SERINC5: variants seen among roughly 807,000 people sequenced by gnomAD.
The protein encoded by SERINC5 is chromosome 5 open reading frame 12.
In SERINC5, 41 loss-of-function variants were observed where a neutral mutation model predicts 63.1. That is an observed-to-expected ratio of 0.65 (90% CI 0.51 to 0.84). The LOEUF is 0.84. SERINC5 is among the 40% of genes least tolerant of loss of function. The pLI, the probability that SERINC5 is intolerant of heterozygous loss-of-function variation, is 0.00. For synonymous variants in SERINC5, 222 were observed against 215.2 expected, an observed-to-expected ratio of 1.03 and a Z score of -0.28; for missense variants, 523 against 573.0, an observed-to-expected ratio of 0.91 and a Z score of 0.89.
chr5:80,198,880 G>A (rs1446506762), intron 2 of SERINC5, among the ~76,000 whole-genome samples: 1 of 152,136 alleles, frequency 6.6e-6, no homozygotes, highest in Non-Finnish European at 1.5e-5. Flanking sequence ...TACATTCAGG[G>A]GACAGGCATA....
At chr5:80,238,103 CAAAAAAAAAA>C (rs759062486) in intron 1 of SERINC5, among the ~76,000 whole-genome samples, 1 of 65,676 alleles carries the variant, frequency 1.5e-5, no homozygotes, top group Non-Finnish European at 3.0e-5. Flanking sequence ...GACTCTGTCT[CAAAAAAAAAA>C]AAAAAAAAAG....
chr5:80,143,374 G>A lies in SERINC5; in HGVS notation c.*289C>T, dbSNP rs1208112976. ...ATGCTGTGCCCCAAATTCTGTTTTG[G>A]CAAAAACATGCAGAAGGAAGTCAAC... On this transcript the variant is annotated 3_prime_UTR_variant, in exon 12 of 12. Coordinates refer to ENST00000507668, the MANE Select transcript of SERINC5 (RefSeq NM_001174072.3). The A allele has an allele frequency of 1.8e-6, 2 of 1,116,910 alleles. No homozygotes were observed. The highest frequency in any genetic ancestry group is 1.1e-6 in the Non-Finnish European group (1 of 915,096). The allele number at this position is 1,116,910 out of a possible 1,614,324, so 69.2% of individuals were successfully genotyped here. A position where few individuals can be genotyped will look rare whatever the true frequency, so the allele number is the denominator to read the frequency against.
rs1232669888 is a variant in SERINC5 at position 80,141,193 on chromosome 5, CA to C, written c.*2469del. On this transcript the variant is annotated 3_prime_UTR_variant, in exon 12 of 12. Transcript: ENST00000507668. ...ATCCAGATACACGTGCTAACATTTT[CA>C]GCTGAGAATAAAATTCAGAGCAACT... 5.1e-6 allele frequency: 5 copies of C among 985,352 alleles called. No individual in the cohort carries two copies. In the African/African-American group the frequency reaches 8.7e-5, roughly 17 times the overall value. The allele number at this position is 985,352 out of a possible 1,614,324, so 61.0% of individuals were successfully genotyped here. A position where few individuals can be genotyped will look rare whatever the true frequency, so the allele number is the denominator to read the frequency against.
chr5:80,112,255 C>T lies in SERINC5; in HGVS notation c.*30-553G>A, dbSNP rs549943161. ...ACTGGCAGGAGGCGAGATATGCTGG[C>T]GGCAATTATTCTTTATTCTGTTATT... On this transcript the variant is annotated intron_variant, in intron 12 of 12. Transcript: ENST00000509193. 7.7e-4 allele frequency among the ~76,000 whole-genome samples: 117 copies of T among 152,300 alleles called. 1 individual carries two copies. Among genetic ancestry groups the T allele is most frequent in the African/African-American group, 2.4e-3 (98 of 41,564 alleles).
chr5:80,182,332 G>A (rs1021204320), intron 2 of SERINC5, among the ~76,000 whole-genome samples: 2 of 152,160 alleles, frequency 1.3e-5, no homozygotes, highest in African/African-American at 4.8e-5. Context: ...CTGAGAAGCT[G>A]AAGACACAGG....
chr5:80,140,373 C>T lies in SERINC5; in HGVS notation c.*3290G>A, dbSNP rs1238346082. On this transcript the variant is annotated 3_prime_UTR_variant, in exon 12 of 12. Coordinates refer to ENST00000507668, the MANE Select transcript of SERINC5 (RefSeq NM_001174072.3). ...TTTTGACATGGGGACAGGAAATTAACATTACACTGAGGTTATTCATAATAA... is the reference window on the plus strand; with the variant it reads ...TTTTGACATGGGGACAGGAAATTAATATTACACTGAGGTTATTCATAATAA... 1 of 431,768 alleles carries T rather than the reference C, an allele frequency of 2.3e-6. No homozygotes were observed. Among genetic ancestry groups the T allele is most frequent in the Admixed American group, 7.7e-5 (1 of 13,002 alleles). 26.7% of individuals were successfully genotyped at this position (431,768 alleles called of 1,614,324 possible).
intron 8 of SERINC5, among the ~76,000 whole-genome samples, chr5:80,153,836 C>T (rs1300502611): frequency 6.6e-6 from 1 of 152,118 alleles, no homozygotes; most frequent in East Asian, 1.9e-4. Flanking sequence ...AAGCCGTGTC[C>T]TGTTTCCCTG....
chr5:80,236,738 G>A (rs188101174), intron 1 of SERINC5, among the ~76,000 whole-genome samples: 2 of 152,150 alleles, frequency 1.3e-5, no homozygotes, highest in African/African-American at 2.4e-5. Context: ...TGTTGCCCAG[G>A]TTGGTCTCGA....
intron 5 of SERINC5, among the ~76,000 whole-genome samples, chr5:80,173,352 T>C (rs1322728858): frequency 1.3e-5 from 2 of 151,854 alleles, no homozygotes; most frequent in Non-Finnish European, 2.9e-5. Flanking sequence ...TCCCAGCACT[T>C]TGGGAGGCCG....
intron 8 of SERINC5, chr5:80,158,439 CCAGGACATGCTGG>C (rs1746674182): frequency 5.6e-6 from 1 of 179,690 alleles, no homozygotes; most frequent in South Asian, 1.4e-4. Context: ...CAGAAAGCTG[CCAGGACATGCTGG>C]CACATTCTAT....
downstream of SERINC5, among the ~76,000 whole-genome samples, chr5:80,136,898 G>A (rs1745200578): frequency 6.6e-6 from 1 of 152,098 alleles, no homozygotes; most frequent in Non-Finnish European, 1.5e-5. Flanking sequence ...CATTTTGGGA[G>A]GCCGAGGCAG....
chr5:80,200,510 A>G (rs932814489), intron 2 of SERINC5, among the ~76,000 whole-genome samples: 2 of 151,968 alleles, frequency 1.3e-5, no homozygotes, highest in Non-Finnish European at 2.9e-5. Context: ...AAAGAAAAGA[A>G]AAAAAAGACT....
intron 1 of SERINC5, among the ~76,000 whole-genome samples, chr5:80,233,640 C>T (rs1287288799): frequency 6.6e-6 from 1 of 151,316 alleles, no homozygotes; most frequent in Non-Finnish European, 1.5e-5. Context: ...TAGGAAGTAT[C>T]CTATAAATAA....
At chr5:80,234,013 T>C (rs893519676) in intron 1 of SERINC5, among the ~76,000 whole-genome samples, 1 of 151,950 alleles carries the variant, frequency 6.6e-6, no homozygotes, top group Non-Finnish European at 1.5e-5. Context: ...GGTTTCACCA[T>C]ATTGGCCAGG....
At chr5:80,238,103 CAAAAA>C (rs759062486) in intron 1 of SERINC5, among the ~76,000 whole-genome samples, 3 of 65,676 alleles carry the variant, frequency 4.6e-5, no homozygotes, top group Non-Finnish European at 9.1e-5. Flanking sequence ...GACTCTGTCT[CAAAAA>C]AAAAAAAAAA....
At chr5:80,246,386 A>G (rs898136567) in intron 1 of SERINC5, among the ~76,000 whole-genome samples, 1 of 152,234 alleles carries the variant, frequency 6.6e-6, no homozygotes, top group Non-Finnish European at 1.5e-5. Flanking sequence ...TGATACTTAA[A>G]CACAAGTCTG....
In SERINC5 at chr5:80,202,992, C is replaced by G. The variant is rs373092185; in HGVS notation, c.89G>C (p.Arg30Pro). 1 of 1,613,188 alleles carries G rather than the reference C, an allele frequency of 6.2e-7. No homozygotes were observed. Among genetic ancestry groups the G allele is most frequent in the Non-Finnish European group, 8.5e-7 (1 of 1,179,558 alleles). ...CATGAAGCGGGTGCTGAGGGACTGCCGAATCCTGGGGCAGCAATCACAGCA... is the reference window on the plus strand; with the variant it reads ...CATGAAGCGGGTGCTGAGGGACTGCGGAATCCTGGGGCAGCAATCACAGCA... The part of the protein sequence containing the change: ...SLCCDCCPRI[R>P]QSLSTRFMYA... The change falls in exon 2 of 12, where the codon CGG becomes CCG. Residue 30 changes from arginine (R) to proline (P), a missense_variant. By Grantham distance (103) the Arg-to-Pro change is moderately radical. Transcript: ENST00000507668.
chr5:80,135,092 T>C (rs1248413352), downstream of SERINC5, among the ~76,000 whole-genome samples: 1 of 152,040 alleles, frequency 6.6e-6, no homozygotes, highest in Admixed American at 6.5e-5. Flanking sequence ...TGAGATAGGG[T>C]CTCCTCCGTT....
In SERINC5 at chr5:80,183,035, G is replaced by A. The variant is rs192720946; in HGVS notation, c.196-4971C>T. ...TCAGGCCCCCATCCTGTAAGCAAGG[G>A]GAAAAGCACTACTGAAGCTAGAACA... On this transcript the variant is annotated intron_variant, in intron 2 of 11. Coordinates refer to ENST00000507668, the MANE Select transcript of SERINC5 (RefSeq NM_001174072.3). 3.7e-4 allele frequency among the ~76,000 whole-genome samples: 57 copies of A among 152,232 alleles called. 1 individual carries two copies. Among genetic ancestry groups the A allele is most frequent in the African/African-American group, 1.3e-3 (55 of 41,528 alleles).
Sources: gnomAD v4.1 joint callset for allele counts (sites outside exome capture counted in the v4.1 genomes callset) on GRCh38, gnomAD v4.1.1 for gene constraint, MANE v1.5 for transcripts, NCBI Gene and HGNC (gene_info 2026-07-23, HGNC 2026-07-21) for gene names.